The following NBEA variants were observed in gnomAD, a reference collection of about 807,000 sequenced individuals.
NBEA encodes neurobeachin, also known as lysosomal-trafficking regulator 2.
A neutral mutation model predicts 343.4 loss-of-function variants in NBEA; 44 were observed. The ratio of observed to expected loss-of-function variants is 0.13; its 90% CI spans 0.10 to 0.16. The LOEUF is 0.16. NBEA is among the 10% of genes least tolerant of loss of function. NBEA has a pLI of 1.00. For missense variants in NBEA, 2,555 were observed against 3,631.3 expected (o/e 0.70, Z 7.62); for synonymous variants, 1,175 against 1,238.7 (o/e 0.95, Z 1.08).
intron 38 of NBEA, among the ~76,000 whole-genome samples, chr13:35,363,979 C>G (rs1410021347): frequency 6.6e-6 from 1 of 151,862 alleles, no homozygotes; most frequent in South Asian, 2.1e-4. Context: ...GCAGAAGGAA[C>G]TGGTATACAA....
chr13:35,214,763 A>C (rs1219861607), intron 33 of NBEA, among the ~76,000 whole-genome samples: 3 of 151,802 alleles, frequency 2.0e-5, no homozygotes, highest in Admixed American at 6.6e-5. Context: ...AGAAATCTTT[A>C]CCTACCACAA....
At chr13:35,322,283 T>C (rs2038209840) in intron 36 of NBEA, among the ~76,000 whole-genome samples, 7 of 152,092 alleles carry the variant, frequency 4.6e-5, no homozygotes, top group Admixed American at 4.6e-4. Flanking sequence ...GGGAAAAGTG[T>C]AGTATCTGGG....
chr13:35,529,129 G>A (rs2078130821), intron 41 of NBEA, among the ~76,000 whole-genome samples: 1 of 152,076 alleles, frequency 6.6e-6, no homozygotes. Flanking sequence ...ACCCTTTGAG[G>A]CAGACATGAT....
intron 47 of NBEA, among the ~76,000 whole-genome samples, chr13:35,596,960 A>G (rs1036743420): frequency 6.6e-6 from 1 of 152,268 alleles, no homozygotes; most frequent in South Asian, 2.1e-4. Context: ...ATTATATTAG[A>G]AAAGTGAAAA....
chr13:35,336,305 A>ATAG (rs2039255389), intron 36 of NBEA, among the ~76,000 whole-genome samples: 10 of 152,254 alleles, frequency 6.6e-5, no homozygotes, highest in African/African-American at 2.4e-4. Context: ...CACACAGCAA[A>ATAG]AAACCAAATC....
Position 35,111,871 on chromosome 13 carries a change from A to G in NBEA, c.2002+893A>G, listed in dbSNP as rs181025827. ...TGCTCACAATAGCATTGAATATTATAGTTTTATAATAATCCCGTTGATAAG... is the reference window on the plus strand; with the variant it reads ...TGCTCACAATAGCATTGAATATTATGGTTTTATAATAATCCCGTTGATAAG... On this transcript the variant is annotated intron_variant, in intron 13 of 58. Coordinates refer to ENST00000379939, the MANE Select transcript of NBEA (RefSeq NM_001385012.1). Among the ~76,000 whole-genome samples the G allele has an allele frequency of 5.6e-4, 83 of 149,302 alleles. 1 individual carries two copies. Among genetic ancestry groups the G allele is most frequent in the African/African-American group, 1.9e-3 (77 of 40,522 alleles).
intron 10 of NBEA, among the ~76,000 whole-genome samples, chr13:35,072,360 C>T (rs2063908913): frequency 6.6e-6 from 1 of 151,934 alleles, no homozygotes; most frequent in East Asian, 1.9e-4. Context: ...TGTCTTTCTT[C>T]AAAACTCATT....
intron 47 of NBEA, among the ~76,000 whole-genome samples, chr13:35,599,318 A>G (rs537515032): frequency 4.6e-5 from 7 of 152,144 alleles, no homozygotes; most frequent in Non-Finnish European, 8.8e-5. Context: ...TCACCCCAAA[A>G]CCTATAGGCT....
chr13:35,547,370 G>A (rs780139153), intron 41 of NBEA, among the ~76,000 whole-genome samples: 1 of 152,038 alleles, frequency 6.6e-6, no homozygotes, highest in African/African-American at 2.4e-5. Context: ...CTGATCTTAG[G>A]TTCCTTTTTT....
intron 1 of NBEA, among the ~76,000 whole-genome samples, chr13:35,002,656 A>G (rs1040537952): frequency 3.3e-5 from 5 of 152,226 alleles, no homozygotes; most frequent in East Asian, 3.8e-4. Flanking sequence ...ATTTTAAATC[A>G]TTATAACTAG....
intron 37 of NBEA, among the ~76,000 whole-genome samples, chr13:35,351,241 A>G (rs1478956040): frequency 6.6e-6 from 1 of 151,972 alleles, no homozygotes; most frequent in African/African-American, 2.4e-5. Flanking sequence ...TTATTTTATC[A>G]GATGTATGAG....
intron 29 of NBEA, among the ~76,000 whole-genome samples, 185 bp from the exon 30 acceptor site, chr13:35,183,791 C>T (rs1163837160): frequency 6.6e-6 from 1 of 152,008 alleles, no homozygotes; most frequent in Non-Finnish European, 1.5e-5. Flanking sequence ...GCTAGAATTA[C>T]TCTACTTAAC....
chr13:35,539,827 A>G (rs1375506563), intron 41 of NBEA, among the ~76,000 whole-genome samples: 1 of 147,730 alleles, frequency 6.8e-6, no homozygotes, highest in African/African-American at 2.5e-5. Context: ...GAGGCAGGAG[A>G]ATGGCGTGAA....
chr13:35,158,616 T>C (rs776987205), intron 21 of NBEA, among the ~76,000 whole-genome samples: 4 of 152,136 alleles, frequency 2.6e-5, no homozygotes, highest in Non-Finnish European at 4.4e-5. Context: ...ATATGAGCAA[T>C]AGATGGTGAA....
At chr13:35,383,365 G>C (rs912217439) in intron 38 of NBEA, among the ~76,000 whole-genome samples, 1 of 152,104 alleles carries the variant, frequency 6.6e-6, no homozygotes, top group African/African-American at 2.4e-5. Context: ...ACTGTCAATA[G>C]CATTATTTAA....
At chr13:35,369,116 G>A (rs376986856) in intron 38 of NBEA, among the ~76,000 whole-genome samples, 22 of 128,676 alleles carry the variant, frequency 1.7e-4, no homozygotes, top group African/African-American at 6.9e-4. Flanking sequence ...ATAGGAGTCC[G>A]GTTTCATGCT....
chr13:35,659,314 A>G (rs531859272), intron 55 of NBEA, among the ~76,000 whole-genome samples: 5 of 152,346 alleles, frequency 3.3e-5, no homozygotes, highest in African/African-American at 1.2e-4. Context: ...TCATCACAAC[A>G]TCATGAAATG....
chr13:35,603,451 T>G (rs2082146337), intron 47 of NBEA, among the ~76,000 whole-genome samples: 1 of 152,196 alleles, frequency 6.6e-6, no homozygotes, highest in Non-Finnish European at 1.5e-5. Flanking sequence ...GAATCTAATT[T>G]AATGACTTTC....
At chr13:35,350,097 T>G (rs998442643) in intron 37 of NBEA, among the ~76,000 whole-genome samples, 1 of 152,138 alleles carries the variant, frequency 6.6e-6, no homozygotes, top group African/African-American at 2.4e-5. Context: ...AAGTTTCGTA[T>G]TAGTAAAGAT....
Sources: gnomAD v4.1 joint callset for allele counts (sites outside exome capture counted in the v4.1 genomes callset) on GRCh38, gnomAD v4.1.1 for gene constraint, MANE v1.5 for transcripts, NCBI Gene and HGNC (gene_info 2026-07-23, HGNC 2026-07-21) for gene names.